The following TNS4 variants were observed in gnomAD, a reference collection of about 807,000 sequenced individuals.
TNS4 encodes tensin-4.
In TNS4, 46 loss-of-function variants were observed where a neutral mutation model predicts 70.4. The observed-to-expected ratio is 0.65, with a 90% CI of 0.52 to 0.84. TNS4 has a LOEUF of 0.84. Among genes scored for constraint, TNS4 ranks in the 40% least tolerant of loss-of-function variants. The probability of loss-of-function intolerance (pLI) is 0.00; values close to 1 mark genes in which losing one functional copy is unlikely to be tolerated. For synonymous variants in TNS4, 390 were observed against 366.6 expected (o/e 1.06, Z -0.73); for missense variants, 863 against 907.0 (o/e 0.95, Z 0.62).
At chr17:40,494,680 C>T (rs551835317) in intron 2 of TNS4, among the ~76,000 whole-genome samples, 7 of 145,440 alleles carry the variant, frequency 4.8e-5, no homozygotes, top group Admixed American at 2.8e-4. Context: ...TGCAGTGAGC[C>T]GAGATCGTGC....
Position 40,488,598 on chromosome 17 carries a change from T to C in TNS4, c.811A>G (p.Ile271Val), listed in dbSNP as rs778525246. 12 of 1,514,454 alleles carry C rather than the reference T, an allele frequency of 7.9e-6. No homozygotes were observed. The African/African-American group carries it at 1.7e-4, about 21-fold the overall frequency. The allele number at this position is 1,514,454 out of a possible 1,614,324, so 93.8% of individuals were successfully genotyped here. The change falls in exon 3 of 13, where the codon ATC becomes GTC. Residue 271 changes from isoleucine to valine, a missense_variant. Ile to Val is a conservative substitution (Grantham distance 29, BLOSUM62 3). Transcript: ENST00000254051. Reference protein sequence around the residue: ...GGLAPQRGSRISVLSASPVSD... With the variant: ...GGLAPQRGSRVSVLSASPVSD... ...ACTGGGCTGGCTGACAGCACAGAGA[T>C]CCTGCTGCCCCGCTGTGGGGCCAGG...
intron 4 of TNS4, 43 bp from the exon 5 acceptor site, chr17:40,485,050 C>G (rs754742641): frequency 1.8e-5 from 28 of 1,567,540 alleles, no homozygotes; most frequent in Non-Finnish European, 1.8e-5. Flanking sequence ...GCTGGACAGA[C>G]GGGAGCTGAG....
At position 40,488,900 on chromosome 17, in the gene TNS4, G is replaced by A. The variant is rs2143809237; in HGVS notation, c.509C>T (p.Pro170Leu). 6.2e-7 allele frequency: 1 copy of A among 1,612,600 alleles called. No individual in the cohort carries two copies. Among genetic ancestry groups the A allele is most frequent in the Non-Finnish European group, 8.5e-7 (1 of 1,179,622 alleles). Residue 170 changes from proline (P) to leucine (L), a missense_variant, in exon 3 of 13, where the codon CCC (proline) becomes CTC (leucine). Transcript: ENST00000254051. The stretch of plus-strand genomic sequence containing the variant: ...GGAGCCGAAGGGCGGGGTGACAGAG[G>A]GGCTGGAGCAGTGCTGGGGGCCATC... The part of the protein sequence containing the change: ...CHDGPQHCSS[P>L]SVTPPFGSLR...
In TNS4 at chr17:40,476,860, C is replaced by CA. The variant is rs34164992; in HGVS notation, c.*727dup. The CA allele has an allele frequency of 1.7e-4, 25 of 149,956 alleles. No homozygotes were observed. Among genetic ancestry groups the CA allele is most frequent in the East Asian group, 3.9e-4 (2 of 5,136 alleles). The allele number at this position is 149,956 out of a possible 1,614,324, so 9.3% of individuals were successfully genotyped here. On this transcript the variant is annotated 3_prime_UTR_variant, in exon 13 of 13. Transcript: ENST00000254051. ...CCTGGGTGACAGTGAGACTCTGTCT[C>CA]AAAAAAAAATAAAAATAAAAACCAA...
rs76398237 is a variant in TNS4, at chr17:40,491,042, C to T, written c.440-2073G>A. 1.3e-3 allele frequency among the ~76,000 whole-genome samples: 202 copies of T among 152,268 alleles called. 3 individuals carry two copies. The East Asian group carries it at 0.017, about 13-fold the overall frequency. ...CTGCAAGAAGAGAGTGTTTGGGGCACTGCATTGTGGGCTCTGGAAGAAAAG... is the reference window on the plus strand; with the variant it reads ...CTGCAAGAAGAGAGTGTTTGGGGCATTGCATTGTGGGCTCTGGAAGAAAAG... On this transcript the variant is annotated intron_variant, in intron 2 of 12. Coordinates refer to ENST00000254051, the MANE Select transcript of TNS4 (RefSeq NM_032865.6).
At chr17:40,482,965 T>G (rs189081314) in intron 6 of TNS4, among the ~76,000 whole-genome samples, 8 of 151,860 alleles carry the variant, frequency 5.3e-5, no homozygotes, top group African/African-American at 7.2e-5. Flanking sequence ...TTTTTTTTTT[T>G]TTTAGACAGA....
At position 40,478,313 on chromosome 17, in the gene TNS4, G is replaced by T; in HGVS notation, c.2000C>A (p.Pro667His). Residue 667 changes from proline (P) to histidine (H), a missense_variant, in exon 12 of 13, where the codon CCC (proline) becomes CAC (histidine). Physicochemically the swap from Pro to His is moderately conservative, Grantham distance 77 (BLOSUM62 -2). Transcript: ENST00000254051. Reference protein sequence around the residue: ...EQRKWQKYCKPSWIFGFVAKS... With the variant: ...EQRKWQKYCKHSWIFGFVAKS... ...TGAGACAGGAAGGCCTTACCAGGAG[G>T]GTTTGCAGTACTTCTGCCACCTGTA... 1 of 1,611,764 alleles carries T rather than the reference G, an allele frequency of 6.2e-7. No individual in the cohort carries two copies. Among genetic ancestry groups the T allele is most frequent in the Non-Finnish European group, 8.5e-7 (1 of 1,179,318 alleles).
intron 9 of TNS4, 119 bp downstream of exon 9, chr17:40,480,579 TGA>T: frequency 1.0e-6 from 1 of 966,902 alleles, no homozygotes; most frequent in Non-Finnish European, 1.4e-6. Flanking sequence ...GAAACAAAGC[TGA>T]GATGGGAAAC....
In TNS4 at chr17:40,480,708, T is replaced by A; in HGVS notation, c.1733A>T (p.Lys578Ile). Residue 578 changes from lysine (K) to isoleucine (I), a missense_variant, in exon 9 of 13, where the codon AAA becomes ATA. Coordinates refer to ENST00000254051, the MANE Select transcript of TNS4 (RefSeq NM_032865.6). ...CTTCCTGTACCACTCACCCGCAGAT[T>A]TCTTCTGGCAGGAGGCTGGGCTGTC... ...STDSPASCQKKSAGCHTLYLS... is the reference protein window; with the variant it reads ...STDSPASCQKISAGCHTLYLS... 1 of 1,560,992 alleles carries A rather than the reference T, an allele frequency of 6.4e-7. No individual in the cohort carries two copies. Among genetic ancestry groups the A allele is most frequent in the Non-Finnish European group, 8.6e-7 (1 of 1,158,072 alleles).
intron 2 of TNS4, among the ~76,000 whole-genome samples, chr17:40,489,796 C>CAAAAAA (rs11463268): frequency 9.0e-4 from 95 of 105,602 alleles, no homozygotes; most frequent in African/African-American, 3.0e-3. Context: ...GCCCCATCTC[C>CAAAAAA]AAAAAAAAAA....
chr17:40,499,671 T>C (rs547184828), intron 1 of TNS4, among the ~76,000 whole-genome samples: 123 of 152,312 alleles, frequency 8.1e-4, no homozygotes, highest in Middle Eastern at 3.4e-3. Context: ...AAGCTTTCTA[T>C]AAATGGAAGT....
At chr17:40,488,409 G>A (rs2036020433) in intron 3 of TNS4, 137 bp downstream of exon 3, 1 of 750,410 alleles carries the variant, frequency 1.3e-6, no homozygotes. Flanking sequence ...GGCTGTAAAA[G>A]CAAACATTTG....
chr17:40,482,397 G>C lies in TNS4; in HGVS notation c.1521C>G (p.Leu507=). 6.2e-7 allele frequency: 1 copy of C among 1,614,072 alleles called. No individual in the cohort carries two copies. The change falls in exon 7 of 13, where the codon CTC becomes CTG. Residue 507 remains leucine, a synonymous_variant. Transcript: ENST00000254051. ...ACGACTCGATGAGGAAGTGTCGGAT[G>C]AGGTCATTGCTGTCCTCACCTGGAC... ...QSRPGEDSND[L]IRHFLIESSA... is the part of the protein sequence containing the mutation.
intron 9 of TNS4, 62 bp downstream of exon 9, chr17:40,480,638 G>A (rs2035909626): frequency 1.4e-6 from 2 of 1,436,934 alleles, no homozygotes; most frequent in East Asian, 2.7e-5. Context: ...GTGTGTGCAG[G>A]GTTGGGAGGT....
chr17:40,480,542 C>T (rs942774188), intron 9 of TNS4, among the ~76,000 whole-genome samples, 158 bp downstream of exon 9: 3 of 152,064 alleles, frequency 2.0e-5, no homozygotes, highest in Non-Finnish European at 1.5e-5. Flanking sequence ...TGATGGGGAG[C>T]GGGTGTGGCA....
intron 9 of TNS4, 24 bp downstream of exon 9, chr17:40,480,676 C>T (rs779561589): frequency 1.1e-5 from 16 of 1,496,610 alleles, no homozygotes; most frequent in Middle Eastern, 3.8e-4. Flanking sequence ...CCAAGCTTGG[C>T]GCCTCCCTTC....
intron 12 of TNS4, 108 bp from the exon 13 acceptor site, chr17:40,477,837 C>A: frequency 9.6e-7 from 1 of 1,042,278 alleles, no homozygotes; most frequent in East Asian, 2.4e-5. Flanking sequence ...CCTCCCTGCC[C>A]CTCCCTTAGC....
chr17:40,485,159 A>T, intron 4 of TNS4, 152 bp from the exon 5 acceptor site: 1 of 640,780 alleles, frequency 1.6e-6, no homozygotes, highest in Non-Finnish European at 2.7e-6. Context: ...GTATCTCCAA[A>T]CTGCCTACGA....
chr17:40,484,052 G>T (rs1438840891), intron 6 of TNS4, among the ~76,000 whole-genome samples: 1 of 152,256 alleles, frequency 6.6e-6, no homozygotes, highest in African/African-American at 2.4e-5. Flanking sequence ...CCACAGGAAA[G>T]CATATAAGCT....
Sources: allele counts gnomAD v4.1 joint callset (sites outside exome capture counted in the v4.1 genomes callset), GRCh38; gene constraint gnomAD v4.1.1; transcripts MANE v1.5; gene names NCBI Gene and HGNC (gene_info 2026-07-23, HGNC 2026-07-21).